SELE: variants seen among roughly 807,000 people sequenced by gnomAD.
The protein encoded by SELE is selectin E.
SELE carries 52 observed loss-of-function variants against 75.8 expected under a neutral mutation model. The observed-to-expected ratio is 0.69, with a 90% CI of 0.55 to 0.86. The LOEUF (loss-of-function observed/expected upper bound fraction) is 0.86. Ranked by LOEUF, SELE falls within the 40% of genes least tolerant of loss-of-function variation. SELE has a pLI of 0.00. For synonymous variants in SELE, 285 were observed against 258.7 expected, an observed-to-expected ratio of 1.10 and a Z score of -0.98; for missense variants, 754 against 732.7, an observed-to-expected ratio of 1.03 and a Z score of -0.34.
At chr1:169,733,038 CT>C in intron 2 of SELE, 40 bp from the exon 3 acceptor site, 1 of 1,513,370 alleles carries the variant, frequency 6.6e-7, no homozygotes, top group Non-Finnish European at 8.8e-7. Flanking sequence ...GAGTTTGGTA[CT>C]GTTGTGGTTT....
intron 3 of SELE, 45 bp from the exon 4 acceptor site, chr1:169,731,987 T>A (rs1648924177): frequency 8.1e-7 from 1 of 1,238,236 alleles, no homozygotes; most frequent in South Asian, 1.2e-5. Context: ...TTACTGTGCT[T>A]ATACTGAGTG....
intron 5 of SELE, 96 bp downstream of exon 5, chr1:169,730,335 AC>A (rs1357440921): frequency 3.3e-5 from 38 of 1,142,016 alleles, no homozygotes; most frequent in Middle Eastern, 5.3e-4. Context: ...CAAAAAAAAA[AC>A]TTTCCCTGAA....
rs1381743882 is a variant in SELE, at chr1:169,730,768, C to T, written c.530-151G>A. 10 of 478,948 alleles carry T rather than the reference C, an allele frequency of 2.1e-5. No individual in the cohort carries two copies. In the East Asian group the frequency reaches 2.5e-4, roughly 12 times the overall value. The allele number at this position is 478,948 out of a possible 1,614,324, so 29.7% of individuals were successfully genotyped here. A position where few individuals can be genotyped will look rare whatever the true frequency, so the allele number is the denominator to read the frequency against. On this transcript the variant is annotated intron_variant, in intron 4 of 13. Coordinates refer to ENST00000333360, the MANE Select transcript of SELE (RefSeq NM_000450.2). ...ATTTGTAAAATTGACTGTAATTCTA[C>T]CCCTTTTCTTTTATTCAAGAAAATG...
intron 10 of SELE, 119 bp downstream of exon 10, chr1:169,727,230 A>G: frequency 9.1e-7 from 1 of 1,097,250 alleles, no homozygotes; most frequent in East Asian, 2.5e-5. Flanking sequence ...AATATTCACA[A>G]CTTGTCAACC....
In SELE at chr1:169,727,769, G is replaced by T; in HGVS notation, c.1438C>A (p.Gln480Lys). ...CAGGAAGGAACCTCTTCTGTCCATT[G>T]TCCCTGAGATGTGCACTCAAGTTGA... Reference protein sequence around the residue: ...STQLECTSQGQWTEEVPSCQV... With the variant: ...STQLECTSQGKWTEEVPSCQV... The change falls in exon 9 of 14, where the codon CAA (glutamine) becomes AAA (lysine). Residue 480 changes from glutamine to lysine, a missense_variant. Coordinates refer to ENST00000333360, the MANE Select transcript of SELE (RefSeq NM_000450.2). 1 of 1,614,136 alleles carries T rather than the reference G, an allele frequency of 6.2e-7. No homozygotes were observed. Among genetic ancestry groups the T allele is most frequent in the Non-Finnish European group, 8.5e-7 (1 of 1,180,010 alleles).
chr1:169,729,309 C>T lies in SELE; in HGVS notation c.967G>A (p.Gly323Arg), dbSNP rs146377589. The T allele has an allele frequency of 2.3e-5, 37 of 1,614,008 alleles. No individual in the cohort carries two copies. Among genetic ancestry groups the T allele is most frequent in the African/African-American group, 4.0e-5 (3 of 74,932 alleles). ...CAGGATGATTTGAAGGTGAACTCTC[C>T]AGCAGGGGAATGGCTGCACCTCACA... ...GSVRCSHSPAGEFTFKSSCNF... is the reference protein window; with the variant it reads ...GSVRCSHSPAREFTFKSSCNF... The change falls in exon 7 of 14, where the codon GGA becomes AGA. Residue 323 changes from glycine to arginine, a missense_variant. Transcript: ENST00000333360.
chr1:169,729,501 C>T lies in SELE; in HGVS notation c.888G>A (p.Lys296=), dbSNP rs371770547. 1.9e-6 allele frequency: 3 copies of T among 1,613,938 alleles called. No individual in the cohort carries two copies. The highest frequency in any genetic ancestry group is 2.5e-6 in the Non-Finnish European group (3 of 1,179,956). Residue 296 remains lysine (K), a synonymous_variant, in exon 6 of 14, where the codon AAG becomes AAA. Transcript: ENST00000333360. ...CTSSGNWDNE[K]PTCKAVTCRA... is the part of the protein sequence containing the mutation. Reference sequence around the variant, plus strand: ...GAACAACTCTACCTTTACACGTTGGCTTCTCGTTGTCCCAATTCCCAGATG... The same window carrying T: ...GAACAACTCTACCTTTACACGTTGGTTTCTCGTTGTCCCAATTCCCAGATG...
intron 10 of SELE, 52 bp from the exon 11 acceptor site, chr1:169,726,858 T>C: frequency 7.6e-7 from 1 of 1,309,698 alleles, no homozygotes; most frequent in East Asian, 2.4e-5. Context: ...GATGTTAAAG[T>C]CTCTCCGTCC....
intron 11 of SELE, 77 bp downstream of exon 11, chr1:169,726,622 G>T (rs1571143894): frequency 3.0e-6 from 3 of 991,186 alleles, no homozygotes; most frequent in Non-Finnish European, 4.7e-6. Context: ...AAATCAGTAA[G>T]CAAGACCATG....
chr1:169,727,438 GCGAA>G lies in SELE; in HGVS notation c.1552_1555del (p.Phe518ProfsTer40), dbSNP rs1648802806. 1 of 1,614,132 alleles carries G rather than the reference GCGAA, an allele frequency of 6.2e-7. No individual in the cohort carries two copies. Among genetic ancestry groups the G allele is most frequent in the Non-Finnish European group, 8.5e-7 (1 of 1,180,028 alleles). ...ATTGAGCGTCCATCCTTCAGGACAG[GCGAA>G]CTTGCACACAGTGCCAAACACGGGC... On this transcript the variant is annotated frameshift_variant, in exon 10 of 14. Transcript: ENST00000333360. LOFTEE classifies it high-confidence loss of function.
Position 169,725,726 on chromosome 1 carries a change from T to C in SELE, c.*15+3A>G, listed in dbSNP as rs766087671. On this transcript the variant is annotated splice_donor_region_variant and intron_variant, in intron 13 of 13. Transcript: ENST00000333360. ...ATAACCATTTGTGATTTACAAGTCT[T>C]ACCTGATTCTTTTGAACTTAAAGGA... 27 of 1,611,434 alleles carry C rather than the reference T, an allele frequency of 1.7e-5. No individual in the cohort carries two copies. The East Asian group carries it at 5.4e-4, about 32-fold the overall frequency.
chr1:169,730,075 G>T (rs1242726089), intron 5 of SELE, among the ~76,000 whole-genome samples: 1 of 152,082 alleles, frequency 6.6e-6, no homozygotes, highest in Non-Finnish European at 1.5e-5. Context: ...GAGAAAAAGA[G>T]ATACTAAGAC....
chr1:169,731,657 C>A, intron 4 of SELE, 178 bp downstream of exon 4: 1 of 528,994 alleles, frequency 1.9e-6, no homozygotes, highest in Non-Finnish European at 3.4e-6. Context: ...AAATAAATAA[C>A]TGGTGAATCT....
Position 169,722,937 on chromosome 1 carries a change from G to C in SELE, c.*1588C>G, listed in dbSNP as rs1183468245. 1.3e-5 allele frequency: 2 copies of C among 152,156 alleles called. No individual in the cohort carries two copies. The highest frequency in any genetic ancestry group is 3.2e-3 in the Middle Eastern group (1 of 316). The allele number at this position is 152,156 out of a possible 1,614,324, so 9.4% of individuals were successfully genotyped here. ...CCAGAGTTTTTCTGCCCCTTTAAAA[G>C]AACCTCTGCTGTTCTGATCCTTATC... On this transcript the variant is annotated 3_prime_UTR_variant, in exon 14 of 14. Transcript: ENST00000333360.
Position 169,730,415 on chromosome 1 carries a change from T to C in SELE, c.715+17A>G. The C allele has an allele frequency of 1.3e-6, 2 of 1,568,996 alleles. No individual in the cohort carries two copies. The highest frequency in any genetic ancestry group is 1.7e-6 in the Non-Finnish European group (2 of 1,150,052). ...GATGAGTTACAGAACGTTCTGTGCA[T>C]TCTCAGAGGGATTTACCATTGCAGG... On this transcript the variant is annotated intron_variant, in intron 5 of 13. Transcript: ENST00000333360.
rs1407272663 is a variant in SELE, at chr1:169,733,587, G to A, written c.26C>T (p.Ala9Val). Reference protein sequence around the residue: MIASQFLSALTLVLLIKES... With the variant: MIASQFLSVLTLVLLIKES... ...TGGCACTGACTTACCCAAAGTGAGAGCTGAGAGAAACTGTGAAGCAATCAT... is the reference window on the plus strand; with the variant it reads ...TGGCACTGACTTACCCAAAGTGAGAACTGAGAGAAACTGTGAAGCAATCAT... The change falls in exon 2 of 14, where the codon GCT (alanine) becomes GTT (valine). Residue 9 changes from alanine (A) to valine (V), a missense_variant. Transcript: ENST00000333360. 1 of 1,613,974 alleles carries A rather than the reference G, an allele frequency of 6.2e-7. No homozygotes were observed. Among genetic ancestry groups the A allele is most frequent in the African/African-American group, 1.3e-5 (1 of 75,044 alleles).
At chr1:169,733,244 G>T (rs1467652916) in intron 2 of SELE, among the ~76,000 whole-genome samples, 3 of 152,186 alleles carry the variant, frequency 2.0e-5, no homozygotes, top group African/African-American at 7.2e-5. Flanking sequence ...CCATTTTGTA[G>T]TAGAATAATA....
chr1:169,732,953 G>C lies in SELE; in HGVS notation c.83C>G (p.Thr28Arg). ...ESGAWSYNTS[T>R]EAMTYDEASA... The stretch of plus-strand genomic sequence containing the variant: ...GGCCTCATCATAAGTCATAGCTTCC[G>C]TGGAGGTGTTGTAAGACCAGGCTCC... Residue 28 changes from threonine to arginine, a missense_variant, in exon 3 of 14, where the codon ACG (threonine) becomes AGG (arginine). Transcript: ENST00000333360. The C allele has an allele frequency of 6.2e-7, 1 of 1,610,812 alleles. No individual in the cohort carries two copies. Among genetic ancestry groups the C allele is most frequent in the South Asian group, 1.1e-5 (1 of 90,210 alleles).
intron 5 of SELE, among the ~76,000 whole-genome samples, chr1:169,730,108 G>A (rs960369932): frequency 1.3e-5 from 2 of 152,100 alleles, no homozygotes; most frequent in African/African-American, 4.8e-5. Context: ...ATGGTCTTAA[G>A]TTAGTCCCAT....
Sources: allele counts gnomAD v4.1 joint callset (sites outside exome capture counted in the v4.1 genomes callset), GRCh38; gene constraint gnomAD v4.1.1; transcripts MANE v1.5; gene names NCBI Gene and HGNC (gene_info 2026-07-23, HGNC 2026-07-21).